CCDC163: variants seen among roughly 807,000 people sequenced by gnomAD.
CCDC163 encodes the protein CCDC163 homolog.
Under a neutral mutation model 8.2 loss-of-function variants are expected in CCDC163, and 13 were observed. That is an observed-to-expected ratio of 1.59 (90% confidence interval 1.04 to 2.54). The LOEUF is 2.54. Ranked by LOEUF, CCDC163 falls within the 30% of genes most tolerant of loss-of-function variation. The pLI is 0.00. For synonymous variants in CCDC163, 41 were observed against 30.9 expected (o/e 1.33, Z -1.08); for missense variants, 117 against 78.6 (o/e 1.49, Z -1.85).
Position 45,499,685 on chromosome 1 carries a change from G to A in CCDC163, c.-76C>T. The A allele has an allele frequency of 2.8e-6, 2 of 706,732 alleles. No individual in the cohort carries two copies. The highest frequency in any genetic ancestry group is 2.6e-6 in the Non-Finnish European group (1 of 380,104). The allele number at this position is 706,732 out of a possible 1,614,324, so 43.8% of individuals were successfully genotyped here. Reference sequence around the variant, plus strand: ...TGCTCTCCTAGCGGGGGATACCCAAGGTATCCCCAGGAAAGGCCACCACGT... The same window carrying A: ...TGCTCTCCTAGCGGGGGATACCCAAAGTATCCCCAGGAAAGGCCACCACGT... On this transcript the variant is annotated 5_prime_UTR_variant, in exon 1 of 5. Coordinates refer to ENST00000629482, the MANE Select transcript of CCDC163 (RefSeq NM_001102601.3).
chr1:45,498,828 TCTG>T (rs1269551771), intron 2 of CCDC163, among the ~76,000 whole-genome samples: 3 of 152,236 alleles, frequency 2.0e-5, no homozygotes, highest in Non-Finnish European at 4.4e-5. Flanking sequence ...ATCTGGTACT[TCTG>T]CTGCTCTCGC....
At chr1:45,497,645 C>A (rs1465707578) in intron 2 of CCDC163, among the ~76,000 whole-genome samples, 7 of 104,424 alleles carry the variant, frequency 6.7e-5, no homozygotes, top group East Asian at 2.4e-4. Flanking sequence ...TGCCCGGCCG[C>A]CACCCCGTCT....
At chr1:45,496,131 C>T in intron 4 of CCDC163, 1 of 293,162 alleles carries the variant, frequency 3.4e-6, no homozygotes, top group Non-Finnish European at 6.6e-6. Context: ...GAGACAATTT[C>T]CCTCCAATGG....
At chr1:45,499,294 G>A (rs1557602102) in intron 2 of CCDC163, 51 bp downstream of exon 2, 6 of 734,204 alleles carry the variant, frequency 8.2e-6, no homozygotes, top group Non-Finnish European at 1.3e-5. Flanking sequence ...GGGCACTGGA[G>A]GAAGGCACAG....
rs1415075044 is a variant in CCDC163, at chr1:45,499,339, A to G, written c.177+6T>C. ...GGGCTTGGAAGTAGAAAGAGACATT[A>G]CTTACCTGCGGTGGAGACCCCAAGA... On this transcript the variant is annotated splice_donor_region_variant and intron_variant, in intron 2 of 4. Coordinates refer to ENST00000629482, the MANE Select transcript of CCDC163 (RefSeq NM_001102601.3). 1.3e-6 allele frequency: 1 copy of G among 772,612 alleles called. No homozygotes were observed. The highest frequency in any genetic ancestry group is 2.4e-6 in the Non-Finnish European group (1 of 414,106). 47.9% of individuals were successfully genotyped at this position (772,612 alleles called of 1,614,324 possible).
At chr1:45,499,286 G>C in intron 2 of CCDC163, 59 bp downstream of exon 2, 1 of 728,244 alleles carries the variant, frequency 1.4e-6, no homozygotes, top group Non-Finnish European at 2.6e-6. Flanking sequence ...GATGATACGG[G>C]CACTGGAGGA....
intron 4 of CCDC163, chr1:45,495,596 G>A: frequency 1.4e-6 from 1 of 699,052 alleles, no homozygotes; most frequent in East Asian, 2.7e-5. Context: ...TGTATCAAGG[G>A]GGCCCTTCCA....
rs966305099 is a variant in CCDC163, at chr1:45,499,883, T to C, written c.-274A>G. 9 of 518,276 alleles carry C rather than the reference T, an allele frequency of 1.7e-5. No individual in the cohort carries two copies. Among genetic ancestry groups the C allele is most frequent in the African/African-American group, 1.7e-4 (9 of 52,258 alleles). 32.1% of individuals were successfully genotyped at this position (518,276 alleles called of 1,614,324 possible). On this transcript the variant is annotated 5_prime_UTR_variant, in exon 1 of 5. Transcript: ENST00000629482. ...GGTGGGGATTGAAGGTGCCAGAACC[T>C]GGTTGAGACCTCCCCAGAAGTAGTA...
chr1:45,497,686 CACCCCGTCCGGGAGGGA>C (rs1643362410), intron 2 of CCDC163, among the ~76,000 whole-genome samples: 2 of 68,032 alleles, frequency 2.9e-5, no homozygotes, highest in African/African-American at 6.1e-5. Flanking sequence ...GCCCGGCAGC[CACCCCGTCCGGGAGGGA>C]GGTGGAGGGG....
chr1:45,499,008 T>C (rs1413713250), intron 2 of CCDC163, among the ~76,000 whole-genome samples: 1 of 152,134 alleles, frequency 6.6e-6, no homozygotes. Flanking sequence ...GAGCCTGACA[T>C]TGAAATTAGG....
chr1:45,496,455 C>G (rs544659938), intron 4 of CCDC163, 101 bp downstream of exon 4: 1 of 713,802 alleles, frequency 1.4e-6, no homozygotes, highest in East Asian at 2.7e-5. Context: ...AAGACAGGGG[C>G]AGGAGAGGGT....
chr1:45,499,484 G>C (rs991797852), intron 1 of CCDC163, 41 bp from the exon 2 acceptor site: 1 of 777,220 alleles, frequency 1.3e-6, no homozygotes, highest in Non-Finnish European at 2.4e-6. Context: ...AACTCTGAGA[G>C]TCCCTTAGCC....
intron 4 of CCDC163, chr1:45,495,653 CTCTTTTTTTTTTTTTTT>C: frequency 1.7e-6 from 1 of 572,778 alleles, no homozygotes; most frequent in South Asian, 1.9e-5. Flanking sequence ...GGTCTCCTCC[CTCTTTTTTTTTTTTTTT>C]TTTTTTTTTT....
intron 2 of CCDC163, 58 bp from the exon 3 acceptor site, chr1:45,497,441 G>C: frequency 4.0e-6 from 3 of 749,156 alleles, no homozygotes; most frequent in Non-Finnish European, 2.5e-6. Flanking sequence ...AGGGTCTTGT[G>C]AAACTCTTAG....
In CCDC163 at chr1:45,495,292, G is replaced by A. The variant is rs1003762112; in HGVS notation, c.331-126C>T. On this transcript the variant is annotated intron_variant, in intron 4 of 4. Transcript: ENST00000629482. ...GACTGACAGGATAAACAGCAACAGA[G>A]GTCAGTGAGTTCACAGAAAGGCAGA... The A allele has an allele frequency of 1.3e-5, 9 of 715,026 alleles. No homozygotes were observed. In the South Asian group the frequency reaches 1.3e-4, roughly 11 times the overall value. The allele number at this position is 715,026 out of a possible 1,614,324, so 44.3% of individuals were successfully genotyped here. A position where few individuals can be genotyped will look rare whatever the true frequency, so the allele number is the denominator to read the frequency against.
At chr1:45,499,199 G>A (rs1186625453) in intron 2 of CCDC163, 146 bp downstream of exon 2, 2 of 654,154 alleles carry the variant, frequency 3.1e-6, no homozygotes, top group Non-Finnish European at 5.6e-6. Context: ...GAGGAAATAA[G>A]GAAGGGTTAA....
chr1:45,496,355 G>A (rs1654131805), intron 4 of CCDC163: 4 of 678,438 alleles, frequency 5.9e-6, no homozygotes, highest in Non-Finnish European at 1.1e-5. Context: ...CCCTCATGTC[G>A]GCAAGGATAG....
Position 45,494,768 on chromosome 1 carries a change from C to G in CCDC163, c.*291G>C. The G allele has an allele frequency of 2.8e-6, 1 of 352,704 alleles. No individual in the cohort carries two copies. Among genetic ancestry groups the G allele is most frequent in the Non-Finnish European group, 5.5e-6 (1 of 183,356 alleles). The allele number at this position is 352,704 out of a possible 1,614,324, so 21.8% of individuals were successfully genotyped here. ...GGTCAGAAGTTCAAGACCAGACTGGCCAACATGGTGAAACCCCATCTCTAC... is the reference window on the plus strand; with the variant it reads ...GGTCAGAAGTTCAAGACCAGACTGGGCAACATGGTGAAACCCCATCTCTAC... On this transcript the variant is annotated 3_prime_UTR_variant, in exon 5 of 5. Coordinates refer to ENST00000629482, the MANE Select transcript of CCDC163 (RefSeq NM_001102601.3).
At position 45,496,721 on chromosome 1, in the gene CCDC163, C is replaced by T. The variant is rs928983896; in HGVS notation, c.263-98G>A. ...CTGCTGCCAAAAACTGAGACAGAAA[C>T]ATTCTGGCTCAGCCATTGGGACGCT... On this transcript the variant is annotated intron_variant, in intron 3 of 4. Transcript: ENST00000629482. 49 of 676,260 alleles carry T rather than the reference C, an allele frequency of 7.2e-5. No individual in the cohort carries two copies. The African/African-American group carries it at 8.3e-4, about 12-fold the overall frequency. 41.9% of individuals were successfully genotyped at this position (676,260 alleles called of 1,614,324 possible). A position where few individuals can be genotyped will look rare whatever the true frequency, so the allele number is the denominator to read the frequency against.
Sources: allele counts gnomAD v4.1 joint callset (sites outside exome capture counted in the v4.1 genomes callset), GRCh38; gene constraint gnomAD v4.1.1; transcripts MANE v1.5; gene names NCBI Gene and HGNC (gene_info 2026-07-23, HGNC 2026-07-21).